The following ETV4 variants were observed in gnomAD, a reference collection of about 807,000 sequenced individuals.
ETV4 encodes the protein ETS translocation variant 4.
ETV4 carries 42 observed loss-of-function variants against 65.9 expected under a neutral mutation model. The observed-to-expected ratio is 0.64, with a 90% CI of 0.50 to 0.82. The LOEUF (loss-of-function observed/expected upper bound fraction) is 0.82. Ranked by LOEUF, ETV4 falls within the 40% of genes least tolerant of loss-of-function variation. The probability of loss-of-function intolerance (pLI) is 0.00; values close to 1 mark genes in which losing one functional copy is unlikely to be tolerated. For missense variants in ETV4, 583 were observed against 630.3 expected (o/e 0.92, Z 0.80); for synonymous variants, 238 against 260.0 (o/e 0.92, Z 0.81).
At chr17:43,542,561 C>G (rs559863599) in intron 4 of ETV4, among the ~76,000 whole-genome samples, 3 of 152,236 alleles carry the variant, frequency 2.0e-5, no homozygotes, top group Admixed American at 6.5e-5. Context: ...TCAACAGATC[C>G]CAGGCACCCC....
chr17:43,530,339 G>A (rs1158203481), intron 8 of ETV4, 158 bp from the exon 9 acceptor site: 2 of 1,478,284 alleles, frequency 1.4e-6, no homozygotes, highest in Non-Finnish European at 1.8e-6. Context: ...AAAATCCCAG[G>A]GAAAGTTCAC....
In ETV4 at chr17:43,528,743, C is replaced by T; in HGVS notation, c.1231G>A (p.Val411Met). The change falls in exon 13 of 13, where the codon GTG becomes ATG. Residue 411 changes from valine to methionine, a missense_variant and splice_region_variant. By Grantham distance (21) the Val-to-Met change is conservative. Coordinates refer to ENST00000319349, the MANE Select transcript of ETV4 (RefSeq NM_001079675.5). ...YYYEKGIMQK[V>M]AGERYVYKFV... is the part of the protein sequence containing the mutation. ...TTGTACACGTAACGCTCACCAGCCA[C>T]CTATGGGGAGAGAGAAGGTCTGGTC... 6.2e-7 allele frequency: 1 copy of T among 1,613,578 alleles called. No individual in the cohort carries two copies. The highest frequency in any genetic ancestry group is 2.2e-5 in the East Asian group (1 of 44,858).
chr17:43,542,169 C>T (rs1220582424), intron 4 of ETV4, among the ~76,000 whole-genome samples: 2 of 152,110 alleles, frequency 1.3e-5, no homozygotes, highest in Admixed American at 6.6e-5. Context: ...GAGCGCAGAT[C>T]GATCGATCCC....
Position 43,533,353 on chromosome 17 carries a change from AG to A in ETV4, c.384-6del. ...TGTCTGGGGGGGTCATAGGCACTGG[AG>A]TTGAGAAGGAGACAGGGGTGAGGGG... On this transcript the variant is annotated splice_polypyrimidine_tract_variant and splice_region_variant and intron_variant, in intron 6 of 12. Transcript: ENST00000319349. 1 of 1,611,394 alleles carries A rather than the reference AG, an allele frequency of 6.2e-7. No homozygotes were observed. The highest frequency in any genetic ancestry group is 1.1e-5 in the South Asian group (1 of 91,010).
intron 4 of ETV4, chr17:43,543,773 G>A (rs1348446065): frequency 1.3e-5 from 2 of 152,154 alleles, no homozygotes; most frequent in African/African-American, 4.8e-5. Flanking sequence ...CACTCACACA[G>A]CCATTCAGCC....
rs531855059 is a variant in ETV4 at position 43,545,078 on chromosome 17, G to A, written c.155-56C>T. 3.1e-5 allele frequency: 49 copies of A among 1,574,014 alleles called. No homozygotes were observed. In the East Asian group the frequency reaches 6.7e-4, roughly 22 times the overall value. On this transcript the variant is annotated intron_variant, in intron 3 of 12. Coordinates refer to ENST00000319349, the MANE Select transcript of ETV4 (RefSeq NM_001079675.5). ...GGTGGAGGGGACGGTAAGAGAGAAG[G>A]GGCCCTAGCAAGACCCGGTGACTCC... is the stretch of plus-strand genomic sequence containing the variant.
chr17:43,531,808 C>T (rs537368358), intron 8 of ETV4, among the ~76,000 whole-genome samples: 1 of 152,310 alleles, frequency 6.6e-6, no homozygotes, highest in Non-Finnish European at 1.5e-5. Flanking sequence ...TCATTCAAAT[C>T]CCTTTGTATT....
intron 2 of ETV4, 64 bp downstream of exon 2, chr17:43,545,494 G>C: frequency 1.4e-6 from 2 of 1,463,606 alleles, no homozygotes; most frequent in Non-Finnish European, 1.9e-6. Flanking sequence ...GGGGAGGGGG[G>C]CTGTGGTGAG....
chr17:43,528,998 AC>A, intron 12 of ETV4, 136 bp downstream of exon 12: 1 of 903,904 alleles, frequency 1.1e-6, no homozygotes, highest in Non-Finnish European at 1.8e-6. Context: ...GGGATTCTCC[AC>A]AATTTCTTGT....
In ETV4 at chr17:43,545,354, T is replaced by C. The variant is rs1971756198; in HGVS notation, c.74A>G (p.Asn25Ser). The change falls in exon 3 of 13, where the codon AAT (asparagine) becomes AGT (serine). Residue 25 changes from asparagine (N) to serine (S), a missense_variant. Transcript: ENST00000319349. ...PYTFSSKSPGNGSLREALIGP... is the reference protein window; with the variant it reads ...PYTFSSKSPGSGSLREALIGP... The stretch of plus-strand genomic sequence containing the variant: ...GATCAGCGCTTCGCGCAAGCTCCCA[T>C]TTCCGGGCGATTTCTGCGAGAAGCG... 1.9e-6 allele frequency: 3 copies of C among 1,599,786 alleles called. No individual in the cohort carries two copies. Among genetic ancestry groups the C allele is most frequent in the Non-Finnish European group, 2.6e-6 (3 of 1,172,854 alleles).
intron 5 of ETV4, chr17:43,536,197 G>C: frequency 1.8e-6 from 1 of 560,424 alleles, no homozygotes; most frequent in South Asian, 2.2e-5. Flanking sequence ...CAGATATAAG[G>C]CAATGGAGAA....
chr17:43,536,433 T>A lies in ETV4; in HGVS notation c.249A>T (p.Ser83=). The A allele has an allele frequency of 6.2e-7, 1 of 1,614,214 alleles. No homozygotes were observed. The highest frequency in any genetic ancestry group is 1.1e-5 in the South Asian group (1 of 91,088). The change falls in exon 5 of 13, where the codon TCA becomes TCT. Residue 83 remains serine, a synonymous_variant. Coordinates refer to ENST00000319349, the MANE Select transcript of ETV4 (RefSeq NM_001079675.5). ...CCAGGGACCTCTACTCACGGTTTTC[T>A]GAATGGAAATCAGGAACAAACTGCT... ...SDEQFVPDFH[S]ENLAFHSPTT...
intron 1 of ETV4, chr17:43,545,873 G>T: frequency 1.7e-6 from 1 of 589,412 alleles, no homozygotes; most frequent in Non-Finnish European, 3.0e-6. Flanking sequence ...GCTCCCAGGA[G>T]CCGGGCTCGC....
rs1803980914 is a variant in ETV4, at chr17:43,528,089, G to A, written c.*430C>T. 4.2e-6 allele frequency: 1 copy of A among 236,542 alleles called. No homozygotes were observed. The highest frequency in any genetic ancestry group is 5.6e-5 in the Admixed American group (1 of 18,014). The allele number at this position is 236,542 out of a possible 1,614,324, so 14.7% of individuals were successfully genotyped here. A position where few individuals can be genotyped will look rare whatever the true frequency, so the allele number is the denominator to read the frequency against. The stretch of plus-strand genomic sequence containing the variant: ...GGACCCTCCAGGGCCACAGCGTGGG[G>A]CAGAGTCCAGGCTTCTGTCTCCCCG... On this transcript the variant is annotated 3_prime_UTR_variant, in exon 13 of 13. Coordinates refer to ENST00000319349, the MANE Select transcript of ETV4 (RefSeq NM_001079675.5).
chr17:43,540,110 C>T (rs1360367291), intron 4 of ETV4, among the ~76,000 whole-genome samples: 1 of 152,164 alleles, frequency 6.6e-6, no homozygotes, highest in East Asian at 1.9e-4. Flanking sequence ...GGCAAAAAGA[C>T]AACCATTCCC....
Position 43,544,988 on chromosome 17 carries a change from C to T in ETV4, c.189G>A (p.Thr63=), listed in dbSNP as rs1265259596. 7 of 1,613,978 alleles carry T rather than the reference C, an allele frequency of 4.3e-6. No individual in the cohort carries two copies. Among genetic ancestry groups the T allele is most frequent in the Non-Finnish European group, 5.9e-6 (7 of 1,179,978 alleles). The change falls in exon 4 of 13, where the codon ACG becomes ACA. Residue 63 remains threonine (T), a synonymous_variant. Transcript: ENST00000319349. ...AAAACTACTCACCTTCAGCGAGCCACGTCTCCTGGAAGTGACTTAGATCCT... is the reference window on the plus strand; with the variant it reads ...AAAACTACTCACCTTCAGCGAGCCATGTCTCCTGGAAGTGACTTAGATCCT... ...LFQDLSHFQE[T]WLAEAQVPDS...
At chr17:43,535,938 C>T (rs1326323254) in intron 5 of ETV4, among the ~76,000 whole-genome samples, 1 of 152,178 alleles carries the variant, frequency 6.6e-6, no homozygotes, top group Admixed American at 6.5e-5. Context: ...TGGTGAAACC[C>T]CATCTCTACT....
At position 43,529,501 on chromosome 17, in the gene ETV4, C is replaced by A. The variant is rs1442866803; in HGVS notation, c.1128+3G>T. 1.2e-6 allele frequency: 2 copies of A among 1,604,030 alleles called. No homozygotes were observed. The highest frequency in any genetic ancestry group is 1.7e-5 in the Admixed American group (1 of 58,968). ...GAGGGCTGGGAACATCCGAGAGGCCCACCTCCTCAGGCTCAATGAGCTTGA... is the reference window on the plus strand; with the variant it reads ...GAGGGCTGGGAACATCCGAGAGGCCAACCTCCTCAGGCTCAATGAGCTTGA... On this transcript the variant is annotated splice_donor_region_variant and intron_variant, in intron 11 of 12. Coordinates refer to ENST00000319349, the MANE Select transcript of ETV4 (RefSeq NM_001079675.5).
At chr17:43,541,598 G>C (rs905457679) in intron 4 of ETV4, among the ~76,000 whole-genome samples, 20 of 152,108 alleles carry the variant, frequency 1.3e-4, no homozygotes, top group African/African-American at 3.9e-4. Flanking sequence ...AGAACTGAGA[G>C]GTTAAAACAG....
Sources: gnomAD v4.1 joint callset for allele counts (sites outside exome capture counted in the v4.1 genomes callset) on GRCh38, gnomAD v4.1.1 for gene constraint, MANE v1.5 for transcripts, NCBI Gene and HGNC (gene_info 2026-07-23, HGNC 2026-07-21) for gene names.